CDHR2: variants seen among roughly 807,000 people sequenced by gnomAD.
CDHR2 encodes the protein cadherin related family member 2.
CDHR2 carries 104 observed loss-of-function variants against 138.6 expected under a neutral mutation model. The observed-to-expected ratio is 0.75, with a 90% CI of 0.64 to 0.88. The LOEUF (loss-of-function observed/expected upper bound fraction) is 0.88. Ranked by LOEUF, CDHR2 falls within the 40% of genes least tolerant of loss-of-function variation. CDHR2 has a pLI of 0.00. For synonymous variants in CDHR2, 755 were observed against 742.8 expected (o/e 1.02, Z -0.27); for missense variants, 1,624 against 1,727.6 (o/e 0.94, Z 1.06).
At position 176,576,055 on chromosome 5, in the gene CDHR2, A is replaced by G; in HGVS notation, c.1064A>G (p.Asn355Ser). 1.2e-6 allele frequency: 2 copies of G among 1,613,880 alleles called. No individual in the cohort carries two copies. The highest frequency in any genetic ancestry group is 1.7e-5 in the Admixed American group (1 of 59,974). ...AATGACCACAAACCTGAGTTTTACA[A>G]CTGCAGCCTCCCAGCCTGCACCTTC... ...DVNDHKPEFY[N>S]CSLPACTFTP... The change falls in exon 12 of 32, where the codon AAC becomes AGC. Residue 355 changes from asparagine to serine, a missense_variant. By Grantham distance (46) the Asn-to-Ser change is conservative (BLOSUM62 1). Around this residue, in one of 3 missense-constraint regions of CDHR2, gnomAD observed 1,061 missense variants for 1,136.6 expected, o/e 0.93. Coordinates refer to ENST00000261944, the MANE Select transcript of CDHR2 (RefSeq NM_017675.6). This position sits in a 1 kb window ranked among gnomAD's most constrained non-coding sequence, Gnocchi z 4.5.
At chr5:176,568,934 C>G (rs10056130) in intron 4 of CDHR2, 26 bp from the exon 5 acceptor site, 3 of 1,613,390 alleles carry the variant, frequency 1.9e-6, no homozygotes, top group Non-Finnish European at 2.5e-6. Context: ...GGCTCACCAC[C>G]GGCCCCTTCT....
intron 31 of CDHR2, among the ~76,000 whole-genome samples, chr5:176,595,283 T>C (rs1758997132): frequency 6.6e-6 from 1 of 152,100 alleles, no homozygotes; most frequent in Admixed American, 6.5e-5. Context: ...AGTGCCGCAG[T>C]GTTGGTGGGC....
intron 1 of CDHR2, among the ~76,000 whole-genome samples, chr5:176,565,070 C>A (rs1758049339): frequency 6.6e-6 from 1 of 152,156 alleles, no homozygotes; most frequent in Non-Finnish European, 1.5e-5. Context: ...AACACAGCTG[C>A]ACATCTAGTG....
At chr5:176,550,683 G>C (rs1012985539) in intron 1 of CDHR2, among the ~76,000 whole-genome samples, 2 of 152,206 alleles carry the variant, frequency 1.3e-5, no homozygotes, top group African/African-American at 4.8e-5. Context: ...GCCGTGTAGC[G>C]GTGGCGGTGC....
chr5:176,581,646 C>T (rs1426704396), intron 17 of CDHR2, 64 bp downstream of exon 17: 8 of 1,586,884 alleles, frequency 5.0e-6, no homozygotes, highest in Non-Finnish European at 6.9e-6. Flanking sequence ...GCCCCTCCAG[C>T]TTGAGTCACA....
intron 17 of CDHR2, among the ~76,000 whole-genome samples, chr5:176,582,704 C>T (rs1387276043): frequency 2.6e-5 from 4 of 152,172 alleles, no homozygotes; most frequent in African/African-American, 7.2e-5. Flanking sequence ...ATCATTTCAG[C>T]CCAGGAGGTT....
rs926741280 is a variant in CDHR2 at position 176,578,491 on chromosome 5, C to T, written c.1701C>T (p.Ser567=). 5 of 1,613,706 alleles carry T rather than the reference C, an allele frequency of 3.1e-6. No homozygotes were observed. Among genetic ancestry groups the T allele is most frequent in the African/African-American group, 2.7e-5 (2 of 74,924 alleles). ...AGGCCACAGACGGCGGGAACCTGTC[C>T]TCCTCCACCACACTGCAGATCCACC... ...TLQATDGGNL[S]SSTTLQIHLL... Residue 567 remains serine, a synonymous_variant, in exon 16 of 32, where the codon TCC becomes TCT. Transcript: ENST00000261944.
At position 176,576,026 on chromosome 5, in the gene CDHR2, C is replaced by T. The variant is rs138765940; in HGVS notation, c.1035C>T (p.Asp345=). The T allele has an allele frequency of 3.0e-5, 48 of 1,614,004 alleles. 1 individual carries two copies. The African/African-American group carries it at 3.7e-4, about 13-fold the overall frequency. Residue 345 remains aspartate (D), a synonymous_variant, in exon 12 of 32, where the codon GAC becomes GAT. Transcript: ENST00000261944. This position sits in a 1 kb window ranked among gnomAD's most constrained non-coding sequence, Gnocchi z 4.5. The part of the protein sequence containing the change: ...VSIWVTVRVM[D]VNDHKPEFYN... The stretch of plus-strand genomic sequence containing the variant: ...TCTGGGTGACAGTGAGAGTGATGGA[C>T]GTCAATGACCACAAACCTGAGTTTT...
rs1472772556 is a variant in CDHR2 at position 176,543,076 on chromosome 5, G to A, written c.-16+307G>A. Reference sequence around the variant, plus strand: ...GGCGTTTGGACCTAGCGGACGGGGAGAAGAGCGGCGCAGCTCCCGCTGCCG... The same window carrying A: ...GGCGTTTGGACCTAGCGGACGGGGAAAAGAGCGGCGCAGCTCCCGCTGCCG... On this transcript the variant is annotated intron_variant, in intron 1 of 31. Coordinates refer to the CDHR2 transcript ENST00000510636. This position sits in a 1 kb window ranked among gnomAD's most constrained non-coding sequence, Gnocchi z 4.0. Among the ~76,000 whole-genome samples the A allele has an allele frequency of 6.6e-6, 1 of 151,836 alleles. No homozygotes were observed. Among genetic ancestry groups the A allele is most frequent in the East Asian group, 1.9e-4 (1 of 5,152 alleles).
chr5:176,595,312 A>G (rs12517687), intron 31 of CDHR2, among the ~76,000 whole-genome samples: 56,440 of 152,026 alleles, frequency 0.37, 11,308 homozygotes, highest in Non-Finnish European at 0.44. Flanking sequence ...GGCAAGAGTG[A>G]ATCCCCCAGG....
chr5:176,569,140 C>T, intron 5 of CDHR2, 130 bp downstream of exon 5: 1 of 668,132 alleles, frequency 1.5e-6, no homozygotes, highest in Non-Finnish European at 2.4e-6. Context: ...CGAGATTATA[C>T]TAGTTCATTT....
rs1183027482 is a variant in CDHR2 at position 176,590,619 on chromosome 5, A to G, written c.3471A>G (p.Ile1157Met). The G allele has an allele frequency of 1.2e-6, 2 of 1,614,008 alleles. No individual in the cohort carries two copies. Among genetic ancestry groups the G allele is most frequent in the South Asian group, 2.2e-5 (2 of 91,076 alleles). The change falls in exon 28 of 32, where the codon ATA becomes ATG. Residue 1157 changes from isoleucine to methionine, a missense_variant. Around this residue, in one of 3 missense-constraint regions of CDHR2, gnomAD observed 556 missense variants for 565.7 expected, o/e 0.98. Coordinates refer to ENST00000261944, the MANE Select transcript of CDHR2 (RefSeq NM_017675.6). ...DLSKQLISVI[I>M]GLGVALLLVL... is the part of the protein sequence containing the mutation. ...CGAAACAGCTCATCAGTGTCATCAT[A>G]GGATTGGGAGTGGCTTTGCTGCTGG... is the stretch of plus-strand genomic sequence containing the variant.
rs1415372888 is a variant in CDHR2 at position 176,557,689 on chromosome 5, TCTTTC to T, written c.-15-7648_-15-7644del. Among the ~76,000 whole-genome samples the T allele has an allele frequency of 7.0e-3, 231 of 32,822 alleles. 2 individuals are homozygous for T. Among genetic ancestry groups the T allele is most frequent in the African/African-American group, 9.5e-3 (216 of 22,646 alleles). 21.5% of individuals were successfully genotyped at this position (32,822 alleles called of 152,430 possible). A position where few individuals can be genotyped will look rare whatever the true frequency, so the allele number is the denominator to read the frequency against. On this transcript the variant is annotated intron_variant, in intron 1 of 31. Transcript: ENST00000261944. ...AAGTCATTATCTGTTGATTTTTTTT[TCTTTC>T]TTTCTTTCTTTCTTTCTTTTTTTTT...
rs549667067 is a variant in CDHR2 at position 176,543,624 on chromosome 5, T to G, written c.-16+855T>G. ...GGAGGAGTGACTTCGTTTTCTCGCC[T>G]GTGAAAAGGGAAACAATACGACCCC... On this transcript the variant is annotated intron_variant, in intron 1 of 31. Transcript: ENST00000510636. This position sits in a 1 kb window ranked among gnomAD's most constrained non-coding sequence, Gnocchi z 4.0. The G allele has an allele frequency of 2.6e-5, 4 of 152,286 alleles. No homozygotes were observed. Among genetic ancestry groups the G allele is most frequent in the African/African-American group, 7.2e-5 (3 of 41,558 alleles). 9.4% of individuals were successfully genotyped at this position (152,286 alleles called of 1,614,324 possible). A position where few individuals can be genotyped will look rare whatever the true frequency, so the allele number is the denominator to read the frequency against.
At chr5:176,559,285 T>C (rs939681568) in intron 1 of CDHR2, among the ~76,000 whole-genome samples, 3 of 152,212 alleles carry the variant, frequency 2.0e-5, no homozygotes, top group Admixed American at 2.0e-4. Flanking sequence ...TCAAATAATT[T>C]GTGACACCAT....
intron 1 of CDHR2, among the ~76,000 whole-genome samples, chr5:176,550,380 C>T (rs567452729): frequency 7.2e-5 from 11 of 152,194 alleles, no homozygotes; most frequent in East Asian, 1.9e-4. Context: ...GGGCCCGTGG[C>T]GGGGAGCTGC....
rs745449021 is a variant in CDHR2, at chr5:176,589,095, T to C, written c.2921T>C (p.Ile974Thr). The C allele has an allele frequency of 7.4e-6, 12 of 1,614,042 alleles. 1 individual carries two copies. The South Asian group carries it at 9.9e-5, about 13-fold the overall frequency. ...TTCTCCATCCTCCGAGTAGACTTCATCTCTAAGGACGGGGCCACCATCCCT... is the reference window on the plus strand; with the variant it reads ...TTCTCCATCCTCCGAGTAGACTTCACCTCTAAGGACGGGGCCACCATCCCT... ...ILFSILRVDFISKDGATIPFQ... is the reference protein window; with the variant it reads ...ILFSILRVDFTSKDGATIPFQ... Residue 974 changes from isoleucine (I) to threonine (T), a missense_variant, in exon 22 of 32, where the codon ATC becomes ACC. Ile to Thr is a moderately conservative substitution (Grantham distance 89, BLOSUM62 -1). Coordinates refer to ENST00000261944, the MANE Select transcript of CDHR2 (RefSeq NM_017675.6).
upstream of CDHR2, among the ~76,000 whole-genome samples, chr5:176,546,312 T>C (rs1757584113): frequency 6.6e-6 from 1 of 152,198 alleles, no homozygotes; most frequent in East Asian, 1.9e-4. Context: ...TTTTCCCATC[T>C]GTAATGGGGA....
At chr5:176,545,909 G>A (rs2113239318), upstream of CDHR2, among the ~76,000 whole-genome samples, 1 of 152,360 alleles carries the variant, frequency 6.6e-6, no homozygotes, top group South Asian at 2.1e-4. Context: ...GGCCACACGT[G>A]CCTCATCGTG....
Sources: allele counts gnomAD v4.1 joint callset (sites outside exome capture counted in the v4.1 genomes callset), GRCh38; gene constraint gnomAD v4.1.1; regional missense constraint gnomAD v4.1.1; non-coding constraint Gnocchi (gnomAD v3.1); transcripts MANE v1.5; gene names NCBI Gene and HGNC (gene_info 2026-07-23, HGNC 2026-07-21).